FGGY: variants seen among roughly 807,000 people sequenced by gnomAD.
FGGY encodes FGGY carbohydrate kinase domain-containing protein.
FGGY carries 72 observed loss-of-function variants against 71.3 expected under a neutral mutation model. That is an observed-to-expected ratio of 1.01 (90% CI 0.84 to 1.23). The LOEUF (loss-of-function observed/expected upper bound fraction) is 1.23. FGGY is among the 50% of genes most tolerant of loss of function. FGGY has a pLI of 0.00. For missense variants in FGGY, 668 were observed against 682.3 expected, an observed-to-expected ratio of 0.98 and a Z score of 0.23; for synonymous variants, 251 against 250.3, an observed-to-expected ratio of 1.00 and a Z score of -0.02.
intron 5 of FGGY, among the ~76,000 whole-genome samples, chr1:59,437,279 A>G (rs2068673598): frequency 6.6e-6 from 1 of 152,234 alleles, no homozygotes; most frequent in Admixed American, 6.5e-5. Flanking sequence ...AGTTGTAGAC[A>G]GAGTCAACCA....
chr1:59,415,859 C>G (rs2064316104), intron 5 of FGGY, among the ~76,000 whole-genome samples: 1 of 152,250 alleles, frequency 6.6e-6, no homozygotes. Context: ...CAGAGAGCAA[C>G]TGACTGTGCT....
At chr1:59,368,897 C>T (rs924996400) in intron 4 of FGGY, among the ~76,000 whole-genome samples, 1 of 151,660 alleles carries the variant, frequency 6.6e-6, no homozygotes, top group Admixed American at 6.6e-5. Context: ...CACGACCAGC[C>T]TGGCCAACAT....
intron 14 of FGGY, among the ~76,000 whole-genome samples, chr1:59,741,269 T>C (rs553045876): frequency 5.9e-5 from 9 of 152,136 alleles, no homozygotes; most frequent in Non-Finnish European, 1.3e-4. Context: ...TGGGAGGTGA[T>C]TGGATTTTGG....
At chr1:59,480,632 G>A (rs1340802452) in intron 6 of FGGY, among the ~76,000 whole-genome samples, 1 of 152,188 alleles carries the variant, frequency 6.6e-6, no homozygotes, top group African/African-American at 2.4e-5. Context: ...CACTAGGTAA[G>A]CAACCTGGAG....
At chr1:59,743,986 T>C (rs962628964) in intron 14 of FGGY, among the ~76,000 whole-genome samples, 1 of 152,228 alleles carries the variant, frequency 6.6e-6, no homozygotes, top group Admixed American at 6.5e-5. Flanking sequence ...AGTGCTGTCT[T>C]TAAATAGTAT....
At chr1:59,470,648 C>G (rs1035003212) in intron 6 of FGGY, among the ~76,000 whole-genome samples, 4 of 152,228 alleles carry the variant, frequency 2.6e-5, no homozygotes, top group Non-Finnish European at 5.9e-5. Flanking sequence ...CTTTTGTAAA[C>G]AAACCATAGA....
At chr1:59,447,065 C>T (rs966039361) in intron 5 of FGGY, among the ~76,000 whole-genome samples, 4 of 152,082 alleles carry the variant, frequency 2.6e-5, no homozygotes, top group Non-Finnish European at 5.9e-5. Context: ...GTGACCCTTT[C>T]GCTTTGTTTC....
chr1:59,601,387 A>C (rs2096576501), intron 8 of FGGY, among the ~76,000 whole-genome samples: 1 of 152,210 alleles, frequency 6.6e-6, no homozygotes, highest in Admixed American at 6.5e-5. Flanking sequence ...GCTGACGGGC[A>C]CATTGCCTTA....
At chr1:59,708,472 G>C (rs1337797448) in intron 14 of FGGY, among the ~76,000 whole-genome samples, 1 of 152,178 alleles carries the variant, frequency 6.6e-6, no homozygotes. Flanking sequence ...CCTTGGTTAA[G>C]ACATTGCCTA....
intron 5 of FGGY, among the ~76,000 whole-genome samples, chr1:59,396,078 C>T (rs2061288709): frequency 6.6e-6 from 1 of 152,190 alleles, no homozygotes; most frequent in African/African-American, 2.4e-5. Context: ...TGTGGCCTCA[C>T]TCCCACCCTA....
chr1:59,696,622 C>T (rs1005435789), intron 14 of FGGY, among the ~76,000 whole-genome samples: 8 of 152,302 alleles, frequency 5.3e-5, no homozygotes, highest in African/African-American at 1.9e-4. Flanking sequence ...TCCAAGAGGC[C>T]TTTCAATTGT....
chr1:59,676,712 G>A (rs1573025667), intron 14 of FGGY, among the ~76,000 whole-genome samples: 1 of 152,104 alleles, frequency 6.6e-6, no homozygotes, highest in Admixed American at 6.6e-5. Context: ...GCAGCTGCAA[G>A]GCTCACAGCA....
chr1:59,581,373 G>A (rs2096192123), intron 8 of FGGY, among the ~76,000 whole-genome samples: 1 of 150,112 alleles, frequency 6.7e-6, no homozygotes, highest in Non-Finnish European at 1.5e-5. Flanking sequence ...CTTCTTCTGA[G>A]TGACATACAC....
At chr1:59,696,582 A>G (rs998127650) in intron 14 of FGGY, among the ~76,000 whole-genome samples, 2 of 152,204 alleles carry the variant, frequency 1.3e-5, no homozygotes, top group Non-Finnish European at 2.9e-5. Flanking sequence ...ACTAAACCTC[A>G]TAGCATCAGA....
intron 1 of FGGY, among the ~76,000 whole-genome samples, chr1:59,312,363 A>G (rs1015164263): frequency 1.1e-4 from 17 of 152,190 alleles, no homozygotes; most frequent in African/African-American, 3.6e-4. Flanking sequence ...TCAACAGGAT[A>G]TTGACTCTTT....
At chr1:59,623,465 G>A (rs528376482) in intron 9 of FGGY, among the ~76,000 whole-genome samples, 2 of 152,140 alleles carry the variant, frequency 1.3e-5, no homozygotes, top group Admixed American at 1.3e-4. Flanking sequence ...CCAAGGAGAA[G>A]TACATGGTGC....
chr1:59,422,537 A>AGT (rs2065631503), intron 5 of FGGY, among the ~76,000 whole-genome samples: 1 of 151,796 alleles, frequency 6.6e-6, no homozygotes, highest in African/African-American at 2.4e-5. Flanking sequence ...GTACTAAAAA[A>AGT]CTGGAAAATT....
Position 59,457,306 on chromosome 1 carries a change from T to C in FGGY, c.670+230T>C, listed in dbSNP as rs367624495. On this transcript the variant is annotated intron_variant, in intron 6 of 15. Transcript: ENST00000303721. ...GAGATACATGCTATGAAAATCTGCA[T>C]TGAAATATAGAATCAGAAATTGCGC... 5.3e-5 allele frequency among the ~76,000 whole-genome samples: 8 copies of C among 152,272 alleles called. No homozygotes were observed. The East Asian group carries it at 9.7e-4, about 18-fold the overall frequency.
chr1:59,561,091 C>T (rs764690306), intron 8 of FGGY, among the ~76,000 whole-genome samples: 4 of 152,194 alleles, frequency 2.6e-5, no homozygotes, highest in Admixed American at 6.5e-5. Flanking sequence ...TGATGGTCTT[C>T]TGTTACTAGC....
Sources: allele counts gnomAD v4.1 joint callset (sites outside exome capture counted in the v4.1 genomes callset), GRCh38; gene constraint gnomAD v4.1.1; transcripts MANE v1.5; gene names NCBI Gene and HGNC (gene_info 2026-07-23, HGNC 2026-07-21).